The following MARCHF10 variants were observed in gnomAD, a reference collection of about 807,000 sequenced individuals.
MARCHF10 encodes the protein probable E3 ubiquitin-protein ligase MARCHF10.
A neutral mutation model predicts 76.2 loss-of-function variants in MARCHF10; 64 were observed. The observed-to-expected ratio is 0.84, with a 90% CI of 0.69 to 1.03. MARCHF10 has a LOEUF of 1.03. MARCHF10 is among the 50% of genes least tolerant of loss of function. MARCHF10 has a pLI of 0.00. For missense variants in MARCHF10, 875 were observed against 958.0 expected (o/e 0.91, Z 1.14); for synonymous variants, 340 against 357.5 (o/e 0.95, Z 0.55).
intron 1 of MARCHF10, among the ~76,000 whole-genome samples, chr17:62,807,517 A>C (rs2093181201): frequency 6.6e-6 from 1 of 152,184 alleles, no homozygotes; most frequent in Admixed American, 6.5e-5. Flanking sequence ...GGGGGAGGAA[A>C]CGTCACAGGT....
intron 3 of MARCHF10, among the ~76,000 whole-genome samples, chr17:62,774,113 T>A (rs1212484387): frequency 3.3e-5 from 5 of 152,098 alleles, no homozygotes; most frequent in Non-Finnish European, 7.4e-5. Context: ...GGAGGAAGTG[T>A]CACTGGGAAA....
chr17:62,769,448 C>T (rs906566190), intron 3 of MARCHF10, among the ~76,000 whole-genome samples: 6 of 152,098 alleles, frequency 3.9e-5, no homozygotes, highest in Non-Finnish European at 7.4e-5. Context: ...GACAGAGTCT[C>T]GCTCTGTCAC....
intron 4 of MARCHF10, among the ~76,000 whole-genome samples, chr17:62,745,753 T>C (rs1331154420): frequency 6.6e-6 from 1 of 152,204 alleles, no homozygotes; most frequent in East Asian, 1.9e-4. Context: ...CATTTTGAAT[T>C]GGGTTGCTAA....
intron 8 of MARCHF10, 80 bp downstream of exon 8, chr17:62,722,408 A>G (rs2090536786): frequency 4.1e-6 from 4 of 973,210 alleles, no homozygotes; most frequent in Non-Finnish European, 4.8e-6. Context: ...CATTTCTTAG[A>G]TCAGGGAAGG....
intron 3 of MARCHF10, among the ~76,000 whole-genome samples, chr17:62,763,622 A>T (rs758353092): frequency 1.3e-5 from 2 of 152,108 alleles, no homozygotes; most frequent in Non-Finnish European, 2.9e-5. Flanking sequence ...TTGAAATGTC[A>T]CTTGGAGGTG....
chr17:62,797,079 A>C (rs1414094632), intron 2 of MARCHF10, among the ~76,000 whole-genome samples: 3 of 152,244 alleles, frequency 2.0e-5, no homozygotes, highest in African/African-American at 7.2e-5. Flanking sequence ...TGCAGGAAGC[A>C]TGAAAAGAGT....
intron 4 of MARCHF10, among the ~76,000 whole-genome samples, chr17:62,752,486 G>A (rs1346531484): frequency 1.3e-5 from 2 of 152,162 alleles, no homozygotes; most frequent in African/African-American, 2.4e-5. Flanking sequence ...CTTGGCAGAG[G>A]CAACCTCCAC....
At chr17:62,762,994 G>A (rs560347301) in intron 3 of MARCHF10, among the ~76,000 whole-genome samples, 1 of 152,180 alleles carries the variant, frequency 6.6e-6, no homozygotes, top group Admixed American at 6.5e-5. Flanking sequence ...CTTGCACATA[G>A]TAATTGTGTG....
chr17:62,793,933 T>C (rs2092936709), intron 2 of MARCHF10, among the ~76,000 whole-genome samples: 1 of 121,150 alleles, frequency 8.3e-6, no homozygotes, highest in Non-Finnish European at 1.7e-5. Context: ...ACCACCTCTA[T>C]CAACCACAAC....
At chr17:62,783,642 GA>G (rs1337541959) in intron 3 of MARCHF10, among the ~76,000 whole-genome samples, 1 of 151,928 alleles carries the variant, frequency 6.6e-6, no homozygotes, top group Non-Finnish European at 1.5e-5. Context: ...GACTAATAAA[GA>G]GGAAGAGAGA....
intron 3 of MARCHF10, among the ~76,000 whole-genome samples, chr17:62,768,283 C>A (rs759789871): frequency 6.6e-5 from 10 of 152,118 alleles, no homozygotes; most frequent in Non-Finnish European, 1.3e-4. Flanking sequence ...CTTTGGGAAG[C>A]GGAGGTGGGT....
chr17:62,759,767 G>A (rs919464860), intron 4 of MARCHF10, 68 bp downstream of exon 4: 33 of 1,517,334 alleles, frequency 2.2e-5, no homozygotes, highest in South Asian at 1.2e-4. Flanking sequence ...CACCGTGCTC[G>A]GCCTGTTGTT....
At chr17:62,794,095 A>G (rs2148170076) in intron 2 of MARCHF10, among the ~76,000 whole-genome samples, 1 of 141,174 alleles carries the variant, frequency 7.1e-6, no homozygotes, top group Admixed American at 7.1e-5. Context: ...AACCATCGCC[A>G]CCACCCCCAT....
At chr17:62,755,819 A>G (rs2092022612) in intron 4 of MARCHF10, among the ~76,000 whole-genome samples, 1 of 152,202 alleles carries the variant, frequency 6.6e-6, no homozygotes, top group Admixed American at 6.5e-5. Flanking sequence ...AGATTCTAAA[A>G]AATACAACTC....
intron 3 of MARCHF10, among the ~76,000 whole-genome samples, chr17:62,764,091 G>A (rs982796950): frequency 3.3e-5 from 5 of 152,136 alleles, no homozygotes; most frequent in African/African-American, 1.2e-4. Flanking sequence ...TGAGAAGGGG[G>A]ATGAATCTCC....
intron 3 of MARCHF10, among the ~76,000 whole-genome samples, chr17:62,784,420 C>T (rs547574634): frequency 6.6e-6 from 1 of 152,282 alleles, no homozygotes; most frequent in South Asian, 2.1e-4. Flanking sequence ...CAACATCATA[C>T]TGAATGGGCA....
At chr17:62,726,332 G>A (rs2090755642) in intron 6 of MARCHF10, among the ~76,000 whole-genome samples, 1 of 152,150 alleles carries the variant, frequency 6.6e-6, no homozygotes, top group Non-Finnish European at 1.5e-5. Flanking sequence ...AGGAAGAAAT[G>A]GACATTGCTC....
chr17:62,728,078 G>A (rs1054109329), intron 6 of MARCHF10, among the ~76,000 whole-genome samples: 4 of 152,158 alleles, frequency 2.6e-5, no homozygotes, highest in African/African-American at 4.8e-5. Flanking sequence ...TCACTCTGTC[G>A]CCCAGTGGCA....
intron 9 of MARCHF10, chr17:62,706,272 G>A (rs979274112): frequency 5.2e-5 from 8 of 152,422 alleles, no homozygotes; most frequent in African/African-American, 1.7e-4. Context: ...CCCAAGGAGA[G>A]GGAGGGCAGG....
Sources: gnomAD v4.1 joint callset for allele counts (sites outside exome capture counted in the v4.1 genomes callset) on GRCh38, gnomAD v4.1.1 for gene constraint, MANE v1.5 for transcripts, NCBI Gene and HGNC (gene_info 2026-07-23, HGNC 2026-07-21) for gene names.